PDE3B: variants seen among roughly 807,000 people sequenced by gnomAD.
PDE3B encodes phosphodiesterase 3B.
A neutral mutation model predicts 116.8 loss-of-function variants in PDE3B; 66 were observed. That is an observed-to-expected ratio of 0.56 (90% CI 0.46 to 0.69). The LOEUF (loss-of-function observed/expected upper bound fraction) is 0.69, where lower values mean the gene tolerates loss of function less well. Among genes scored for constraint, PDE3B ranks in the 30% least tolerant of loss-of-function variants. The pLI, the probability that PDE3B is intolerant of heterozygous loss-of-function variation, is 0.00. For synonymous variants in PDE3B, 595 were observed against 533.6 expected (o/e 1.12, Z -1.59); for missense variants, 1,384 against 1,368.1 (o/e 1.01, Z -0.18).
chr11:14,779,472 G>A (rs532860427), intron 2 of PDE3B, among the ~76,000 whole-genome samples: 17 of 152,298 alleles, frequency 1.1e-4, no homozygotes, highest in South Asian at 4.1e-4. Flanking sequence ...CGGATCTCTC[G>A]GCAGAAACTC....
At chr11:14,685,282 C>T (rs924949206) in intron 1 of PDE3B, among the ~76,000 whole-genome samples, 1 of 152,076 alleles carries the variant, frequency 6.6e-6, no homozygotes, top group African/African-American at 2.4e-5. Context: ...GTGTCCCTGA[C>T]TTCCCGCAAC....
At chr11:14,832,437 C>T (rs1313558072) in intron 9 of PDE3B, among the ~76,000 whole-genome samples, 1 of 151,956 alleles carries the variant, frequency 6.6e-6, no homozygotes, top group Non-Finnish European at 1.5e-5. Context: ...ATTCACATGA[C>T]CTTCAGTAAA....
chr11:14,650,282 C>T (rs1399674075), intron 1 of PDE3B, among the ~76,000 whole-genome samples: 1 of 151,424 alleles, frequency 6.6e-6, no homozygotes, highest in Non-Finnish European at 1.5e-5. Flanking sequence ...TGCCTCACTG[C>T]AAACTCTGCC....
At chr11:14,695,795 G>A (rs1855189971) in intron 1 of PDE3B, among the ~76,000 whole-genome samples, 2 of 151,830 alleles carry the variant, frequency 1.3e-5, no homozygotes, top group Admixed American at 1.3e-4. Flanking sequence ...GCGTTAGTTT[G>A]CTAGAATAAT....
At position 14,842,625 on chromosome 11, in the gene PDE3B, G is replaced by C. The variant is rs1282829005; in HGVS notation, c.2321-1202G>C. ...GTAGTGGTACATAACTCTAGTCCAAGCTACTCAGGTGGCTGAGGGCAGGTC... is the reference window on the plus strand; with the variant it reads ...GTAGTGGTACATAACTCTAGTCCAACCTACTCAGGTGGCTGAGGGCAGGTC... On this transcript the variant is annotated intron_variant, in intron 11 of 15. Transcript: ENST00000282096. 1.3e-5 allele frequency among the ~76,000 whole-genome samples: 2 copies of C among 152,090 alleles called. 1 individual carries two copies. The highest frequency in any genetic ancestry group is 2.9e-5 in the Non-Finnish European group (2 of 68,028).
intron 1 of PDE3B, among the ~76,000 whole-genome samples, chr11:14,731,750 T>G (rs1856464625): frequency 6.6e-6 from 1 of 152,154 alleles, no homozygotes; most frequent in South Asian, 2.1e-4. Context: ...AAAAGAAATT[T>G]TTAAATTTCA....
intron 2 of PDE3B, among the ~76,000 whole-genome samples, chr11:14,784,061 C>T (rs571960957): frequency 9.3e-4 from 142 of 152,258 alleles, no homozygotes; most frequent in African/African-American, 3.2e-3. Flanking sequence ...TTGTACGCTC[C>T]TTATGAGAAT....
chr11:14,835,450 T>G (rs923126215), intron 11 of PDE3B, among the ~76,000 whole-genome samples: 1 of 152,136 alleles, frequency 6.6e-6, no homozygotes, highest in Non-Finnish European at 1.5e-5. Context: ...AAAAAATTTT[T>G]TTTTTGTTTC....
At chr11:14,712,636 A>C (rs1855744353) in intron 1 of PDE3B, among the ~76,000 whole-genome samples, 1 of 151,560 alleles carries the variant, frequency 6.6e-6, no homozygotes, top group Admixed American at 6.6e-5. Flanking sequence ...CACCACACCC[A>C]GCTAATTTTT....
chr11:14,858,052 A>G (rs1362846135), intron 12 of PDE3B, among the ~76,000 whole-genome samples: 2 of 152,236 alleles, frequency 1.3e-5, no homozygotes, highest in African/African-American at 4.8e-5. Flanking sequence ...AAAACCAAAT[A>G]GCTTAAAAAA....
intron 11 of PDE3B, among the ~76,000 whole-genome samples, chr11:14,842,826 T>C: frequency 6.6e-6 from 1 of 152,318 alleles, no homozygotes; most frequent in East Asian, 1.9e-4. Context: ...AAATTATAAA[T>C]AGCATGAAAA....
At chr11:14,725,467 C>G (rs1204761352) in intron 1 of PDE3B, among the ~76,000 whole-genome samples, 1 of 95,510 alleles carries the variant, frequency 1.0e-5, no homozygotes, top group Non-Finnish European at 2.2e-5. Flanking sequence ...CCTTTCCTCC[C>G]TCTGTCCCCC....
At chr11:14,892,368 C>G in the PDE3B span, 1 of 674,592 alleles carries the variant, frequency 1.5e-6, no homozygotes, top group African/African-American at 1.8e-5. Flanking sequence ...CAACTACCTT[C>G]TAGTTTTGCG....
At chr11:14,697,453 G>A (rs1267611025) in intron 1 of PDE3B, among the ~76,000 whole-genome samples, 1 of 151,948 alleles carries the variant, frequency 6.6e-6, no homozygotes, top group Non-Finnish European at 1.5e-5. Flanking sequence ...TGTTCCATTG[G>A]TCTATTTATG....
chr11:14,806,808 G>A (rs1338509619), intron 5 of PDE3B, among the ~76,000 whole-genome samples: 7 of 136,318 alleles, frequency 5.1e-5, no homozygotes, highest in South Asian at 2.3e-4. Context: ...GCAGTGAGCC[G>A]AGATCCCACC....
chr11:14,885,911 T>G, the PDE3B span: 1 of 1,613,196 alleles, frequency 6.2e-7, no homozygotes, highest in South Asian at 1.1e-5. Flanking sequence ...AGATCTAAAC[T>G]GAAGATCTTT....
At chr11:14,740,689 A>T (rs1856743144) in intron 1 of PDE3B, among the ~76,000 whole-genome samples, 1 of 152,070 alleles carries the variant, frequency 6.6e-6, no homozygotes, top group Non-Finnish European at 1.5e-5. Context: ...TTTAATTGTG[A>T]TGTTAGTGCA....
At chr11:14,866,707 T>A (rs1555008116) in intron 14 of PDE3B, among the ~76,000 whole-genome samples, 1 of 152,198 alleles carries the variant, frequency 6.6e-6, no homozygotes, top group African/African-American at 2.4e-5. Context: ...TGGGGAGTAA[T>A]TTATCCCAAA....
chr11:14,847,831 T>C (rs1273602898), intron 12 of PDE3B, among the ~76,000 whole-genome samples: 4 of 152,116 alleles, frequency 2.6e-5, no homozygotes, highest in African/African-American at 9.7e-5. Flanking sequence ...GGCTCTGAAA[T>C]TGTGGCAATA....
Sources: gnomAD v4.1 joint callset for allele counts (sites outside exome capture counted in the v4.1 genomes callset) on GRCh38, gnomAD v4.1.1 for gene constraint, MANE v1.5 for transcripts, NCBI Gene and HGNC (gene_info 2026-07-23, HGNC 2026-07-21) for gene names.